SBF2: variants seen among roughly 807,000 people sequenced by gnomAD.
SBF2 encodes the protein myotubularin-related protein 13.
In SBF2, 112 loss-of-function variants were observed where a neutral mutation model predicts 225.2. The ratio of observed to expected loss-of-function variants is 0.50; its 90% confidence interval spans 0.43 to 0.58. SBF2 has a LOEUF of 0.58. SBF2 is among the 20% of genes least tolerant of loss of function. The pLI is 0.00. For synonymous variants in SBF2, 763 were observed against 773.3 expected (o/e 0.99, Z 0.22); for missense variants, 1,996 against 2,206.2 (o/e 0.90, Z 1.91).
At chr11:9,913,931 G>A (rs1862860205) in intron 16 of SBF2, among the ~76,000 whole-genome samples, 1 of 152,158 alleles carries the variant, frequency 6.6e-6, no homozygotes, top group Admixed American at 6.5e-5. Context: ...CTAATTCCTG[G>A]GCTCAAGCCA....
At chr11:10,291,423 A>G (rs1211117280) in intron 1 of SBF2, among the ~76,000 whole-genome samples, 1 of 152,176 alleles carries the variant, frequency 6.6e-6, no homozygotes, top group African/African-American at 2.4e-5. Context: ...ACTGTGAAAA[A>G]TAAATTTCTA....
chr11:10,254,183 A>C (rs1217388714), intron 1 of SBF2, among the ~76,000 whole-genome samples: 3 of 152,130 alleles, frequency 2.0e-5, no homozygotes, highest in Non-Finnish European at 4.4e-5. Flanking sequence ...CAGGAGTTTG[A>C]GACCAGCCTG....
At chr11:9,988,364 C>A (rs1458921141) in intron 13 of SBF2, among the ~76,000 whole-genome samples, 1 of 152,112 alleles carries the variant, frequency 6.6e-6, no homozygotes, top group Non-Finnish European at 1.5e-5. Flanking sequence ...GATTTCATGA[C>A]CAAGAACCCA....
At chr11:9,948,881 C>T (rs1175773663) in intron 16 of SBF2, among the ~76,000 whole-genome samples, 1 of 152,142 alleles carries the variant, frequency 6.6e-6, no homozygotes, top group African/African-American at 2.4e-5. Flanking sequence ...TACCATTACC[C>T]TCAATAGATT....
intron 13 of SBF2, among the ~76,000 whole-genome samples, chr11:9,976,084 T>G (rs996290114): frequency 2.7e-5 from 4 of 150,062 alleles, no homozygotes; most frequent in Admixed American, 2.6e-4. Flanking sequence ...TTTTTTTTTT[T>G]TTTTTTTGAG....
chr11:9,971,628 G>A (rs186418634), intron 13 of SBF2, among the ~76,000 whole-genome samples: 36 of 152,254 alleles, frequency 2.4e-4, no homozygotes, highest in Admixed American at 2.2e-3. Flanking sequence ...GTGGTGAGCT[G>A]TGATTGCACC....
At chr11:9,896,171 T>C (rs1861239016) in intron 16 of SBF2, among the ~76,000 whole-genome samples, 160 bp from the exon 17 acceptor site, 1 of 152,212 alleles carries the variant, frequency 6.6e-6, no homozygotes, top group Admixed American at 6.5e-5. Flanking sequence ...TTATTCCAAA[T>C]TGCCATTAAG....
intron 2 of SBF2, among the ~76,000 whole-genome samples, chr11:10,148,659 C>T (rs531936704): frequency 4.6e-5 from 7 of 151,948 alleles, no homozygotes; most frequent in African/African-American, 1.4e-4. Flanking sequence ...CCACAACATA[C>T]GCCTTAAAGA....
intron 2 of SBF2, among the ~76,000 whole-genome samples, chr11:10,135,666 AGAGT>A (rs1954311984): frequency 6.6e-6 from 1 of 152,182 alleles, no homozygotes; most frequent in Admixed American, 6.5e-5. Flanking sequence ...AAACATAATA[AGAGT>A]CACTTTTGCT....
intron 37 of SBF2, 71 bp from the exon 38 acceptor site, chr11:9,784,509 T>G: frequency 8.3e-7 from 1 of 1,208,684 alleles, no homozygotes; most frequent in East Asian, 2.4e-5. Context: ...GGAGGGGATA[T>G]CTGTTGTTTT....
At chr11:10,091,266 C>T (rs1454026673) in intron 2 of SBF2, among the ~76,000 whole-genome samples, 2 of 152,092 alleles carry the variant, frequency 1.3e-5, no homozygotes, top group African/African-American at 4.8e-5. Flanking sequence ...AGAAAGAAAC[C>T]TCCAGAACAG....
chr11:10,018,809 ATTTAATT>A (rs1948740363), intron 6 of SBF2, among the ~76,000 whole-genome samples: 1 of 152,196 alleles, frequency 6.6e-6, no homozygotes. Context: ...TAGCATAAAT[ATTTAATT>A]TTTAATTTTG....
chr11:10,111,572 A>G (rs564736546), intron 2 of SBF2, among the ~76,000 whole-genome samples: 6 of 152,246 alleles, frequency 3.9e-5, no homozygotes, highest in Non-Finnish European at 1.5e-5. Context: ...TTAAATACAA[A>G]TAAAGAACAA....
chr11:9,967,971 CTATATATATA>C (rs1188261255), intron 14 of SBF2, among the ~76,000 whole-genome samples: 35 of 91,468 alleles, frequency 3.8e-4, no homozygotes, highest in African/African-American at 1.1e-3. Flanking sequence ...CTCTCTCTCT[CTATATATATA>C]TATATATATA....
chr11:9,997,394 A>C (rs1389120269), intron 9 of SBF2, among the ~76,000 whole-genome samples: 2 of 152,358 alleles, frequency 1.3e-5, no homozygotes, highest in Non-Finnish European at 2.9e-5. Context: ...TTCAATGAGA[A>C]AAACCCAAGC....
At chr11:10,013,101 T>C (rs1164398198) in intron 6 of SBF2, among the ~76,000 whole-genome samples, 1 of 152,234 alleles carries the variant, frequency 6.6e-6, no homozygotes, top group Admixed American at 6.5e-5. Context: ...CAGCCAGGCA[T>C]GTATAGAGAC....
At chr11:10,174,219 C>A (rs150644894) in intron 2 of SBF2, among the ~76,000 whole-genome samples, 14,443 of 151,978 alleles carry the variant, frequency 0.095, 927 homozygotes, top group East Asian at 0.28. Flanking sequence ...CTCTGAGCTA[C>A]GGGAGGAAAT....
chr11:10,114,401 A>C (rs1466074145), intron 2 of SBF2, among the ~76,000 whole-genome samples: 1 of 151,512 alleles, frequency 6.6e-6, no homozygotes, highest in East Asian at 1.9e-4. Context: ...TGGTTCTAAA[A>C]CTCCTATTAG....
At chr11:10,070,306 C>T (rs1005568702) in intron 2 of SBF2, among the ~76,000 whole-genome samples, 1 of 152,214 alleles carries the variant, frequency 6.6e-6, no homozygotes, top group Non-Finnish European at 1.5e-5. Context: ...ACATTTAAGT[C>T]TTTAATCCAT....
Sources: allele counts gnomAD v4.1 joint callset (sites outside exome capture counted in the v4.1 genomes callset), GRCh38; gene constraint gnomAD v4.1.1; transcripts MANE v1.5; gene names NCBI Gene and HGNC (gene_info 2026-07-23, HGNC 2026-07-21).